The following PCDH19 variants were observed in gnomAD, a reference collection of about 807,000 sequenced individuals.
The protein encoded by PCDH19 is protocadherin 19, also known as protocadherin-19.
In PCDH19, 6 loss-of-function variants were observed where a neutral mutation model predicts 46.2. That is an observed-to-expected ratio of 0.13 (90% confidence interval 0.07 to 0.26). The LOEUF is 0.26. Ranked by LOEUF, PCDH19 falls within the 10% of genes least tolerant of loss-of-function variation. The probability of loss-of-function intolerance (pLI) is 1.00; values close to 1 mark genes in which losing one functional copy is unlikely to be tolerated. For synonymous variants in PCDH19, 481 were observed against 415.7 expected (o/e 1.16, Z -1.91); for missense variants, 740 against 972.3 (o/e 0.76, Z 3.18).
Position 100,403,647 on chromosome X carries a change from G to A in PCDH19, c.2165C>T (p.Thr722Ile), listed in dbSNP as rs1462845345. 2 of 1,204,504 alleles carry A rather than the reference G, an allele frequency of 1.7e-6. No homozygotes were observed. The highest frequency in any genetic ancestry group is 5.9e-5 in the East Asian group (2 of 33,755). ...TYNCSNCLTI[T>I]CLLGCFIKGQ... ...TTTTATAAAACAGCCGAGGAGACAA[G>A]TGATGGTTAAACAATTACTGCAAAG... The change falls in exon 2 of 6, where the codon ACT becomes ATT. Residue 722 changes from threonine (T) to isoleucine (I), a missense_variant. This residue lies in a region of PCDH19 where 416 missense variants were observed against 476.8 expected (regional missense o/e 0.87). Coordinates refer to ENST00000373034, the MANE Select transcript of PCDH19 (RefSeq NM_001184880.2).
At chrX:100,376,207 C>T (rs1344854926) in intron 3 of PCDH19, among the ~76,000 whole-genome samples, 2 of 100,232 alleles carry the variant, frequency 2.0e-5, no homozygotes, top group Admixed American at 1.1e-4. Context: ...TGCACTCCAG[C>T]CTGGGCAACA....
At chrX:100,377,925 T>C (rs773272201) in intron 3 of PCDH19, among the ~76,000 whole-genome samples, 13 of 112,021 alleles carry the variant, frequency 1.2e-4, no homozygotes, top group African/African-American at 3.6e-4. Context: ...GAAATAGTGG[T>C]GAAGAGGGAA....
At chrX:100,359,243 C>T (rs1926803962) in intron 3 of PCDH19, among the ~76,000 whole-genome samples, 1 of 111,798 alleles carries the variant, frequency 8.9e-6, no homozygotes, top group Non-Finnish European at 1.9e-5. Context: ...AAGTGATTAG[C>T]CTGCTTCCTA....
At chrX:100,380,133 T>G (rs1250171026) in intron 3 of PCDH19, among the ~76,000 whole-genome samples, 1 of 112,387 alleles carries the variant, frequency 8.9e-6, no homozygotes, top group Non-Finnish European at 1.9e-5. Context: ...TTCCACTTTT[T>G]TAACGAATGG....
At chrX:100,371,026 G>GTGT (rs1569304523) in intron 3 of PCDH19, among the ~76,000 whole-genome samples, 4 of 77,872 alleles carry the variant, frequency 5.1e-5, no homozygotes, top group African/African-American at 1.8e-4. Context: ...TGTGTGTGTG[G>GTGT]GTGTGTGTGT....
intron 5 of PCDH19, among the ~76,000 whole-genome samples, chrX:100,314,423 C>A (rs1056553959): frequency 8.9e-6 from 1 of 111,966 alleles, no homozygotes; most frequent in Non-Finnish European, 1.9e-5. Flanking sequence ...TAGCACAAAC[C>A]AACTTTGATT....
intron 3 of PCDH19, among the ~76,000 whole-genome samples, chrX:100,353,973 G>A (rs1322381844): frequency 1.8e-5 from 2 of 111,825 alleles, no homozygotes; most frequent in Admixed American, 9.5e-5. Context: ...TTTGTAATCC[G>A]TCTCAGGTCT....
intron 5 of PCDH19, among the ~76,000 whole-genome samples, chrX:100,322,925 T>C (rs1925566600): frequency 9.9e-6 from 1 of 100,809 alleles, no homozygotes; most frequent in Non-Finnish European, 2.0e-5. Context: ...TTGGTCGCTG[T>C]TGTGGTATAG....
chrX:100,308,276 A>C (rs1925014172), intron 5 of PCDH19, among the ~76,000 whole-genome samples: 1 of 111,419 alleles, frequency 9.0e-6, no homozygotes, highest in Non-Finnish European at 1.9e-5. Flanking sequence ...AAACAAAAAC[A>C]AAGTGGGGGA....
intron 5 of PCDH19, among the ~76,000 whole-genome samples, chrX:100,332,596 A>G (rs1057228603): frequency 4.5e-5 from 5 of 112,138 alleles, no homozygotes; most frequent in African/African-American, 1.6e-4. Context: ...TTTCATAACA[A>G]AAGGATTAAG....
intron 5 of PCDH19, among the ~76,000 whole-genome samples, chrX:100,329,191 T>C (rs1158273884): frequency 8.9e-6 from 1 of 112,674 alleles, no homozygotes. Flanking sequence ...TCAACTTCAG[T>C]TGACATCAAT....
chrX:100,362,142 TC>T (rs1926902291), intron 3 of PCDH19, among the ~76,000 whole-genome samples: 1 of 111,656 alleles, frequency 9.0e-6, no homozygotes, highest in Non-Finnish European at 1.9e-5. Context: ...TCCTTTCCTT[TC>T]CCCACATTGT....
intron 3 of PCDH19, among the ~76,000 whole-genome samples, chrX:100,400,957 G>A (rs1375343400): frequency 9.0e-6 from 1 of 111,213 alleles, no homozygotes; most frequent in African/African-American, 3.3e-5. Context: ...CTTCAGTCTC[G>A]TCCTCCCTCT....
At chrX:100,337,933 G>A (rs976075855) in intron 5 of PCDH19, among the ~76,000 whole-genome samples, 1 of 111,904 alleles carries the variant, frequency 8.9e-6, no homozygotes, top group Non-Finnish European at 1.9e-5. Flanking sequence ...AAATTATGAT[G>A]TGTCAATTAT....
Position 100,369,106 on chromosome X carries a change from T to C in PCDH19, c.2617-18402A>G, listed in dbSNP as rs183176596. On this transcript the variant is annotated intron_variant, in intron 3 of 5. Coordinates refer to ENST00000373034, the MANE Select transcript of PCDH19 (RefSeq NM_001184880.2). ...TTATTATTACTATTATTATTACTAC[T>C]ACAAATGCCTTTTGGAAAAAAGCCT... Among the ~76,000 whole-genome samples, 5 of 111,830 alleles carry C rather than the reference T, an allele frequency of 4.5e-5. No individual in the cohort carries two copies. The East Asian group carries it at 1.1e-3, about 25-fold the overall frequency.
intron 1 of PCDH19, among the ~76,000 whole-genome samples, chrX:100,404,538 C>G (rs781735337): frequency 4.2e-4 from 47 of 111,279 alleles, no homozygotes; most frequent in Admixed American, 9.6e-4. Flanking sequence ...TTCATTAATC[C>G]CAAACCATCA....
chrX:100,313,185 T>C, intron 5 of PCDH19, among the ~76,000 whole-genome samples: 1 of 112,207 alleles, frequency 8.9e-6, no homozygotes, highest in Non-Finnish European at 1.9e-5. Context: ...CTCCAAAACA[T>C]TGCATCTCCT....
chrX:100,336,608 G>T (rs746670748), intron 5 of PCDH19, among the ~76,000 whole-genome samples: 2 of 111,968 alleles, frequency 1.8e-5, no homozygotes, highest in East Asian at 5.6e-4. Context: ...CAGAAATAAA[G>T]CAATCATTAT....
At chrX:100,309,154 GCA>G (rs55663829) in intron 5 of PCDH19, among the ~76,000 whole-genome samples, 111 of 81,753 alleles carry the variant, frequency 1.4e-3, no homozygotes, top group African/African-American at 4.8e-3. Flanking sequence ...TGTGATGCAT[GCA>G]CACACACACA....
Sources: allele counts gnomAD v4.1 joint callset (sites outside exome capture counted in the v4.1 genomes callset), GRCh38; gene constraint gnomAD v4.1.1; regional missense constraint gnomAD v4.1.1; transcripts MANE v1.5; gene names NCBI Gene and HGNC (gene_info 2026-07-23, HGNC 2026-07-21).